Variants in SORCS2 observed in about 807,000 individuals in gnomAD.
SORCS2 encodes sortilin related VPS10 domain containing receptor 2, also known as VPS10 domain-containing receptor SorCS2.
A neutral mutation model predicts 141.6 loss-of-function variants in SORCS2; 100 were observed. That is an observed-to-expected ratio of 0.71 (90% CI 0.60 to 0.83). The LOEUF is 0.83. SORCS2 is among the 40% of genes least tolerant of loss of function. The probability of loss-of-function intolerance (pLI) is 0.00; values close to 1 mark genes in which losing one functional copy is unlikely to be tolerated. For missense variants in SORCS2, 1,646 were observed against 1,560.2 expected, an observed-to-expected ratio of 1.05 and a Z score of -0.93; for synonymous variants, 789 against 676.9, an observed-to-expected ratio of 1.17 and a Z score of -2.57.
At chr4:7,423,275 A>G (rs1726211673) in intron 2 of SORCS2, among the ~76,000 whole-genome samples, 1 of 152,108 alleles carries the variant, frequency 6.6e-6, no homozygotes, top group African/African-American at 2.4e-5. Flanking sequence ...TTAGAACATT[A>G]TAATTGTTAT....
intron 3 of SORCS2, among the ~76,000 whole-genome samples, chr4:7,571,776 G>A (rs1195782140): frequency 2.0e-5 from 3 of 152,218 alleles, no homozygotes; most frequent in Admixed American, 2.0e-4. Context: ...TTGAATTATG[G>A]ACGTCATTCA....
intron 2 of SORCS2, among the ~76,000 whole-genome samples, chr4:7,493,696 G>T (rs192506074): frequency 6.6e-6 from 1 of 152,226 alleles, no homozygotes; most frequent in African/African-American, 2.4e-5. Context: ...TCCCAGAAGG[G>T]CTGGGCTCCA....
intron 2 of SORCS2, among the ~76,000 whole-genome samples, chr4:7,467,810 C>T (rs1051683280): frequency 1.1e-4 from 17 of 152,338 alleles, no homozygotes; most frequent in South Asian, 2.1e-4. Context: ...AGCCGGTCCC[C>T]GCACAAGGGT....
intron 9 of SORCS2, among the ~76,000 whole-genome samples, chr4:7,676,754 T>C (rs116311363): frequency 0.56 from 32,227 of 57,448 alleles, 7,135 homozygotes; most frequent in East Asian, 0.64. Context: ...ACCCCCGCCC[T>C]GTCATCTCCT....
At chr4:7,460,183 C>G (rs113352273) in intron 2 of SORCS2, 2,358 of 155,012 alleles carry the variant, frequency 0.015, 63 homozygotes, top group African/African-American at 0.049. Flanking sequence ...ACCCAGCGTG[C>G]CAGCTAGTAG....
chr4:7,680,012 G>C (rs1343612848), intron 9 of SORCS2, among the ~76,000 whole-genome samples: 3 of 152,198 alleles, frequency 2.0e-5, no homozygotes, highest in East Asian at 3.9e-4. Context: ...ACAGCAGAAA[G>C]GCATCTGCAC....
intron 2 of SORCS2, among the ~76,000 whole-genome samples, chr4:7,523,318 G>T (rs1019027167): frequency 3.3e-5 from 5 of 152,188 alleles, no homozygotes; most frequent in African/African-American, 4.8e-5. Flanking sequence ...CACATGTTCA[G>T]CGGGAAACTG....
intron 7 of SORCS2, among the ~76,000 whole-genome samples, chr4:7,666,738 C>G (rs1450066114): frequency 6.6e-6 from 1 of 152,142 alleles, no homozygotes; most frequent in Non-Finnish European, 1.5e-5. Context: ...GGGAAAAGCA[C>G]TCGAGATGGT....
intron 1 of SORCS2, among the ~76,000 whole-genome samples, chr4:7,382,886 C>G (rs1723074364): frequency 1.3e-5 from 2 of 152,076 alleles, no homozygotes; most frequent in African/African-American, 2.4e-5. Context: ...CATCAACGGA[C>G]CCACACACAT....
chr4:7,390,137 A>G (rs961355066), intron 1 of SORCS2, among the ~76,000 whole-genome samples: 1 of 152,166 alleles, frequency 6.6e-6, no homozygotes, highest in Non-Finnish European at 1.5e-5. Context: ...GGGGCCTTGG[A>G]CACTGACCTT....
chr4:7,280,702 T>G (rs1715819791), intron 1 of SORCS2, among the ~76,000 whole-genome samples: 1 of 152,272 alleles, frequency 6.6e-6, no homozygotes, highest in Non-Finnish European at 1.5e-5. Context: ...CTCCGCATCC[T>G]CGCCAGCATT....
chr4:7,584,803 C>T (rs1038323968), intron 3 of SORCS2, among the ~76,000 whole-genome samples: 6 of 152,122 alleles, frequency 3.9e-5, no homozygotes, highest in African/African-American at 1.2e-4. Flanking sequence ...GTGAGATTTC[C>T]AAAGTGAAAT....
rs1264192512 is a variant in SORCS2, at chr4:7,740,184, C to T, written c.3416-16C>T. 4 of 1,603,750 alleles carry T rather than the reference C, an allele frequency of 2.5e-6. No homozygotes were observed. The highest frequency in any genetic ancestry group is 3.4e-6 in the Non-Finnish European group (4 of 1,177,648). ...GGGCTTGTGCTCACGGGACCTGCGT[C>T]TCTTCTGTTTCCTAGGCAACCACTC... On this transcript the variant is annotated splice_polypyrimidine_tract_variant and intron_variant, in intron 26 of 26. Transcript: ENST00000507866.
intron 3 of SORCS2, among the ~76,000 whole-genome samples, chr4:7,549,393 T>G (rs1470546505): frequency 6.6e-6 from 1 of 150,742 alleles, no homozygotes; most frequent in African/African-American, 2.4e-5. Flanking sequence ...TTCTAGATGT[T>G]GGCCTTTTAT....
intron 3 of SORCS2, among the ~76,000 whole-genome samples, chr4:7,617,429 G>C (rs991312993): frequency 4.6e-5 from 7 of 152,140 alleles, no homozygotes; most frequent in Non-Finnish European, 1.0e-4. Flanking sequence ...GCTTTATAGA[G>C]CTCCTCATAT....
chr4:7,457,486 C>T (rs530873385), intron 2 of SORCS2, among the ~76,000 whole-genome samples: 31 of 151,170 alleles, frequency 2.1e-4, no homozygotes, highest in African/African-American at 7.4e-4. Context: ...ACACTGCAAG[C>T]TGACAGGTGT....
chr4:7,347,257 T>C (rs929053173), intron 1 of SORCS2, among the ~76,000 whole-genome samples: 5 of 152,338 alleles, frequency 3.3e-5, no homozygotes, highest in South Asian at 2.1e-4. Context: ...ACTTTCTCTT[T>C]GGATTGGATC....
intron 2 of SORCS2, chr4:7,434,020 T>C: frequency 6.2e-7 from 1 of 1,612,150 alleles, no homozygotes; most frequent in Non-Finnish European, 8.5e-7. Context: ...GGCCTTCATC[T>C]GCATCTCGCT....
At chr4:7,218,086 A>T (rs953626697) in intron 1 of SORCS2, among the ~76,000 whole-genome samples, 3 of 151,920 alleles carry the variant, frequency 2.0e-5, no homozygotes, top group African/African-American at 7.3e-5. Flanking sequence ...GAGCTGCCGG[A>T]TGGGTTGGGG....
Sources: allele counts gnomAD v4.1 joint callset (sites outside exome capture counted in the v4.1 genomes callset), GRCh38; gene constraint gnomAD v4.1.1; transcripts MANE v1.5; gene names NCBI Gene and HGNC (gene_info 2026-07-23, HGNC 2026-07-21).